The following ADGRL2 variants were observed in gnomAD, a reference collection of about 807,000 sequenced individuals.
ADGRL2 encodes the protein adhesion G protein-coupled receptor L2.
In ADGRL2, 44 loss-of-function variants were observed where a neutral mutation model predicts 157.4. The ratio of observed to expected loss-of-function variants is 0.28; its 90% confidence interval spans 0.22 to 0.36. The LOEUF is 0.36. Ranked by LOEUF, ADGRL2 falls within the 10% of genes least tolerant of loss-of-function variation. ADGRL2 has a pLI of 1.00. For synonymous variants in ADGRL2, 585 were observed against 624.7 expected (o/e 0.94, Z 0.95); for missense variants, 1,510 against 1,768.9 (o/e 0.85, Z 2.63).
chr1:81,771,759 A>C (rs866788590), intron 2 of ADGRL2, among the ~76,000 whole-genome samples: 1 of 152,178 alleles, frequency 6.6e-6, no homozygotes, highest in African/African-American at 2.4e-5. Flanking sequence ...AAATTCCAGG[A>C]GTATACGCCC....
chr1:81,696,857 AATG>A (rs1481043789), upstream of ADGRL2, among the ~76,000 whole-genome samples: 3 of 152,206 alleles, frequency 2.0e-5, no homozygotes, highest in African/African-American at 7.2e-5. Flanking sequence ...AGAACAAACC[AATG>A]AGTTTGATAT....
intron 2 of ADGRL2, among the ~76,000 whole-genome samples, chr1:81,464,120 G>C (rs779488590): frequency 2.0e-5 from 3 of 152,116 alleles, no homozygotes; most frequent in Non-Finnish European, 2.9e-5. Flanking sequence ...AAGTGTTATC[G>C]TCTCAAGTGG....
intron 3 of ADGRL2, among the ~76,000 whole-genome samples, chr1:81,593,118 A>G (rs1056758315): frequency 6.6e-6 from 1 of 152,232 alleles, no homozygotes; most frequent in Admixed American, 6.5e-5. Flanking sequence ...TGTATTTGAT[A>G]GGTGTTATCA....
chr1:81,815,533 C>T (rs2090310415), intron 1 of ADGRL2, among the ~76,000 whole-genome samples: 1 of 151,786 alleles, frequency 6.6e-6, no homozygotes, highest in Admixed American at 6.6e-5. Flanking sequence ...ATTCCAAAAG[C>T]ACTTTTCTAT....
intron 2 of ADGRL2, among the ~76,000 whole-genome samples, chr1:81,555,001 T>C (rs2080238488): frequency 6.6e-6 from 1 of 151,916 alleles, no homozygotes; most frequent in East Asian, 2.0e-4. Flanking sequence ...TCCTGTGCCC[T>C]TGGGGTGCAG....
intron 3 of ADGRL2, among the ~76,000 whole-genome samples, chr1:81,657,375 T>C (rs893758872): frequency 1.3e-5 from 2 of 152,238 alleles, no homozygotes; most frequent in Non-Finnish European, 2.9e-5. Flanking sequence ...CCAAATCTGA[T>C]GGCAATTTGA....
intron 14 of ADGRL2, 95 bp from the exon 15 acceptor site, chr1:81,969,083 A>C (rs887066764): frequency 1.1e-5 from 9 of 852,686 alleles, no homozygotes; most frequent in African/African-American, 1.0e-4. Flanking sequence ...CAAAGAGTTC[A>C]GTAGTAAAAG....
intron 1 of ADGRL2, among the ~76,000 whole-genome samples, chr1:81,824,923 G>A (rs1362803089): frequency 7.1e-6 from 1 of 141,434 alleles, no homozygotes; most frequent in Non-Finnish European, 1.5e-5. Flanking sequence ...TTTGGGCGCC[G>A]TTTCCAGTTT....
intron 2 of ADGRL2, among the ~76,000 whole-genome samples, chr1:81,531,211 G>A (rs2079590675): frequency 6.6e-6 from 1 of 152,134 alleles, no homozygotes; most frequent in African/African-American, 2.4e-5. Flanking sequence ...CCACATTTGA[G>A]GAGAGAAGGA....
At chr1:81,662,962 G>A (rs925216163) in intron 3 of ADGRL2, among the ~76,000 whole-genome samples, 10 of 151,980 alleles carry the variant, frequency 6.6e-5, no homozygotes, top group Admixed American at 1.3e-4. Context: ...AGAAAGCCAC[G>A]CACCAGAGAC....
intron 1 of ADGRL2, among the ~76,000 whole-genome samples, chr1:81,827,884 G>A (rs1428729810): frequency 6.6e-6 from 1 of 152,090 alleles, no homozygotes; most frequent in Non-Finnish European, 1.5e-5. Flanking sequence ...AATTTGTTTT[G>A]ATCAGTAAAT....
chr1:81,904,372 T>C (rs1225920739), intron 2 of ADGRL2, among the ~76,000 whole-genome samples: 3 of 152,198 alleles, frequency 2.0e-5, no homozygotes, highest in Non-Finnish European at 2.9e-5. Flanking sequence ...TAGGATTAAA[T>C]AAAGTGGTAT....
intron 2 of ADGRL2, among the ~76,000 whole-genome samples, chr1:81,862,290 G>C (rs1221187720): frequency 4.0e-5 from 6 of 151,766 alleles, no homozygotes; most frequent in African/African-American, 1.5e-4. Context: ...TTACGTTATG[G>C]GTAAATTTCC....
intron 2 of ADGRL2, among the ~76,000 whole-genome samples, chr1:81,772,560 C>G (rs2149351350): frequency 6.6e-6 from 1 of 152,034 alleles, no homozygotes; most frequent in East Asian, 2.0e-4. Context: ...GAAACCTTGT[C>G]TCTCCTAAAA....
chr1:81,646,105 C>G (rs2082311291), intron 3 of ADGRL2, among the ~76,000 whole-genome samples: 2 of 152,102 alleles, frequency 1.3e-5, no homozygotes, highest in Non-Finnish European at 2.9e-5. Context: ...TTCCCGACTC[C>G]CATATGGCCT....
At chr1:81,530,852 A>G (rs1259675760) in intron 2 of ADGRL2, among the ~76,000 whole-genome samples, 1 of 152,110 alleles carries the variant, frequency 6.6e-6, no homozygotes, top group African/African-American at 2.4e-5. Context: ...TGGGAGGCCA[A>G]GGCAGGCAGA....
At chr1:81,369,581 T>G (rs1300604072) in intron 1 of ADGRL2, among the ~76,000 whole-genome samples, 1 of 152,062 alleles carries the variant, frequency 6.6e-6, no homozygotes, top group Non-Finnish European at 1.5e-5. Flanking sequence ...CTGAAAGCAA[T>G]CTTGCTTCAG....
At chr1:81,628,458 AAC>A (rs1319146066) in intron 3 of ADGRL2, among the ~76,000 whole-genome samples, 2 of 152,166 alleles carry the variant, frequency 1.3e-5, no homozygotes, top group Non-Finnish European at 2.9e-5. Context: ...GGTATAAATC[AAC>A]ATTTACTAAG....
intron 2 of ADGRL2, among the ~76,000 whole-genome samples, chr1:81,770,835 C>A (rs1001843803): frequency 6.6e-5 from 10 of 152,212 alleles, no homozygotes; most frequent in African/African-American, 2.4e-4. Flanking sequence ...TCTTAAATAC[C>A]TTTTTTACAA....
Sources: allele counts gnomAD v4.1 joint callset (sites outside exome capture counted in the v4.1 genomes callset), GRCh38; gene constraint gnomAD v4.1.1; transcripts MANE v1.5; gene names NCBI Gene and HGNC (gene_info 2026-07-23, HGNC 2026-07-21).